SPOCK1: variants seen among roughly 807,000 people sequenced by gnomAD.
SPOCK1 encodes the protein testican-1.
In SPOCK1, 23 loss-of-function variants were observed where a neutral mutation model predicts 55.3. That is an observed-to-expected ratio of 0.42 (90% confidence interval 0.30 to 0.59). The LOEUF (loss-of-function observed/expected upper bound fraction) is 0.59, where lower values mean the gene tolerates loss of function less well. SPOCK1 is among the 20% of genes least tolerant of loss of function. The pLI is 0.22. For missense variants in SPOCK1, 499 were observed against 552.5 expected, an observed-to-expected ratio of 0.90 and a Z score of 0.97; for synonymous variants, 226 against 221.0, an observed-to-expected ratio of 1.02 and a Z score of -0.20.
Position 136,975,542 on chromosome 5 carries a change from T to C in SPOCK1, c.*3112A>G, listed in dbSNP as rs1048246286. ...TACATTTAACAGGAACAAACATCAG[T>C]GACTTTGAGAAAAAGTTATAAAAAG... is the stretch of plus-strand genomic sequence containing the variant. On this transcript the variant is annotated 3_prime_UTR_variant, in exon 11 of 11. Coordinates refer to ENST00000394945, the MANE Select transcript of SPOCK1 (RefSeq NM_004598.4). 1.3e-5 allele frequency: 2 copies of C among 152,482 alleles called. No homozygotes were observed. Among genetic ancestry groups the C allele is most frequent in the African/African-American group, 4.8e-5 (2 of 41,442 alleles). 9.4% of individuals were successfully genotyped at this position (152,482 alleles called of 1,614,324 possible).
chr5:137,098,582 C>T (rs1355451789), intron 5 of SPOCK1, among the ~76,000 whole-genome samples: 1 of 152,226 alleles, frequency 6.6e-6, no homozygotes, highest in African/African-American at 2.4e-5. Context: ...AGCCTGAACA[C>T]CTGCAGTCAG....
At chr5:137,002,924 C>A (rs1267051270) in intron 6 of SPOCK1, among the ~76,000 whole-genome samples, 1 of 152,078 alleles carries the variant, frequency 6.6e-6, no homozygotes. Flanking sequence ...GCTCAACTGG[C>A]CAACAGCAGT....
At chr5:137,198,844 T>G (rs1457226496) in intron 3 of SPOCK1, among the ~76,000 whole-genome samples, 2 of 152,342 alleles carry the variant, frequency 1.3e-5, no homozygotes, top group African/African-American at 4.8e-5. Flanking sequence ...GTTCTAAATT[T>G]TTATACATAA....
intron 5 of SPOCK1, among the ~76,000 whole-genome samples, chr5:137,070,680 T>C (rs897023642): frequency 1.3e-5 from 2 of 152,208 alleles, no homozygotes; most frequent in African/African-American, 2.4e-5. Flanking sequence ...GAGCTCCACA[T>C]TGAGTACTCT....
At chr5:137,403,527 G>A (rs1214238765) in intron 2 of SPOCK1, among the ~76,000 whole-genome samples, 5 of 152,164 alleles carry the variant, frequency 3.3e-5, no homozygotes, top group Non-Finnish European at 7.3e-5. Context: ...TGTGTTATTA[G>A]GGAATAAATG....
intron 2 of SPOCK1, among the ~76,000 whole-genome samples, chr5:137,353,997 G>A (rs991046108): frequency 2.6e-5 from 4 of 152,068 alleles, no homozygotes; most frequent in Admixed American, 1.3e-4. Context: ...GATGTCTGCC[G>A]AAAGTGGGAA....
chr5:137,001,973 A>C (rs1751163586), intron 6 of SPOCK1, among the ~76,000 whole-genome samples: 1 of 152,198 alleles, frequency 6.6e-6, no homozygotes, highest in South Asian at 2.1e-4. Context: ...ATTGCATTAT[A>C]TGTAATTCCA....
chr5:137,119,182 C>G (rs2905965), intron 4 of SPOCK1, among the ~76,000 whole-genome samples: 136,505 of 152,218 alleles, frequency 0.9, 61,275 homozygotes, highest in African/African-American at 0.93. Flanking sequence ...TAATAAGAGT[C>G]TTTGTTTCCT....
intron 3 of SPOCK1, among the ~76,000 whole-genome samples, chr5:137,223,045 C>T (rs1221743670): frequency 6.6e-6 from 1 of 151,930 alleles, no homozygotes; most frequent in East Asian, 1.9e-4. Flanking sequence ...GCAAAACTCC[C>T]TACTCTTACG....
At chr5:137,355,185 G>A (rs1750765527) in intron 2 of SPOCK1, among the ~76,000 whole-genome samples, 2 of 151,674 alleles carry the variant, frequency 1.3e-5, no homozygotes, top group African/African-American at 4.8e-5. Context: ...ACAGGTGTAA[G>A]CCACTGTATC....
At chr5:137,447,551 C>G (rs1753154041) in intron 2 of SPOCK1, among the ~76,000 whole-genome samples, 1 of 152,176 alleles carries the variant, frequency 6.6e-6, no homozygotes, top group African/African-American at 2.4e-5. Context: ...CTCAATCACA[C>G]ACAAGTAAAA....
chr5:137,215,171 C>T, intron 3 of SPOCK1, among the ~76,000 whole-genome samples: 1 of 152,198 alleles, frequency 6.6e-6, no homozygotes, highest in East Asian at 1.9e-4. Context: ...TATAGGTTTT[C>T]ACATCTAAGA....
chr5:137,168,779 T>C (rs1174489265), intron 3 of SPOCK1, among the ~76,000 whole-genome samples: 3 of 152,174 alleles, frequency 2.0e-5, no homozygotes, highest in African/African-American at 7.2e-5. Context: ...GCAATCACTA[T>C]GGATAACAGT....
At chr5:137,023,982 A>G (rs1362109599) in intron 6 of SPOCK1, among the ~76,000 whole-genome samples, 3 of 57,884 alleles carry the variant, frequency 5.2e-5, no homozygotes, top group Non-Finnish European at 1.5e-4. Flanking sequence ...TTTTTTTGCT[A>G]ACTTTAACAC....
intron 3 of SPOCK1, among the ~76,000 whole-genome samples, chr5:137,180,623 C>T (rs1348918977): frequency 1.3e-5 from 2 of 152,114 alleles, no homozygotes; most frequent in African/African-American, 2.4e-5. Context: ...GGGACAGTTC[C>T]GTTCACCACC....
At chr5:137,142,040 A>G (rs1754108572) in intron 3 of SPOCK1, among the ~76,000 whole-genome samples, 1 of 152,212 alleles carries the variant, frequency 6.6e-6, no homozygotes, top group Non-Finnish European at 1.5e-5. Flanking sequence ...CAATTGTGCC[A>G]TCTTCAAGCT....
intron 9 of SPOCK1, among the ~76,000 whole-genome samples, chr5:136,981,399 G>T (rs1393261795): frequency 6.6e-6 from 1 of 151,970 alleles, no homozygotes; most frequent in Non-Finnish European, 1.5e-5. Flanking sequence ...TTCACTTTGT[G>T]TTGTTCCTAT....
chr5:137,034,566 T>C (rs190266259), intron 6 of SPOCK1, among the ~76,000 whole-genome samples: 3 of 152,310 alleles, frequency 2.0e-5, no homozygotes, highest in Admixed American at 1.3e-4. Context: ...CTCCTGGCTT[T>C]GTCACACTCC....
At chr5:137,278,904 A>C (rs1258628634) in intron 2 of SPOCK1, among the ~76,000 whole-genome samples, 1 of 152,110 alleles carries the variant, frequency 6.6e-6, no homozygotes, top group Non-Finnish European at 1.5e-5. Context: ...TCCTAACCCC[A>C]CTATTGAGGA....
Sources: allele counts gnomAD v4.1 joint callset (sites outside exome capture counted in the v4.1 genomes callset), GRCh38; gene constraint gnomAD v4.1.1; transcripts MANE v1.5; gene names NCBI Gene and HGNC (gene_info 2026-07-23, HGNC 2026-07-21).